Variants in NFATC1 observed in about 807,000 individuals in gnomAD.
NFATC1 encodes the protein nuclear factor of activated T-cells, cytoplasmic 1.
In NFATC1, 22 loss-of-function variants were observed where a neutral mutation model predicts 76.0. The observed-to-expected ratio is 0.29, with a 90% confidence interval of 0.21 to 0.41. The LOEUF (loss-of-function observed/expected upper bound fraction) is 0.41, where lower values mean the gene tolerates loss of function less well. Ranked by LOEUF, NFATC1 falls within the 10% of genes least tolerant of loss-of-function variation. NFATC1 has a pLI of 1.00. For missense variants in NFATC1, 1,357 were observed against 1,337.7 expected (o/e 1.01, Z -0.23); for synonymous variants, 704 against 613.1 (o/e 1.15, Z -2.19).
intron 3 of NFATC1, among the ~76,000 whole-genome samples, chr18:79,437,204 C>A (rs1210306278): frequency 2.0e-5 from 3 of 152,190 alleles, no homozygotes; most frequent in Admixed American, 2.0e-4. Flanking sequence ...TAAGGACAGT[C>A]CCGCCCCCTG....
intron 1 of NFATC1, among the ~76,000 whole-genome samples, chr18:79,406,949 C>G (rs59922507): frequency 6.6e-6 from 1 of 152,070 alleles, no homozygotes. Context: ...GGGCACAGGG[C>G]GACCTGCCTG....
intron 9 of NFATC1, among the ~76,000 whole-genome samples, chr18:79,518,501 C>G (rs539303156): frequency 3.1e-4 from 47 of 152,294 alleles, no homozygotes; most frequent in Non-Finnish European, 5.6e-4. Flanking sequence ...CTGGCACCCC[C>G]CCTCTCGCTC....
intron 6 of NFATC1, among the ~76,000 whole-genome samples, chr18:79,453,827 A>G (rs979465416): frequency 1.3e-5 from 2 of 152,208 alleles, no homozygotes; most frequent in Non-Finnish European, 2.9e-5. Context: ...TACACACACA[A>G]GCACATTCCA....
intron 6 of NFATC1, among the ~76,000 whole-genome samples, chr18:79,458,866 G>A (rs112354751): frequency 0.018 from 2,759 of 152,358 alleles, 96 homozygotes; most frequent in African/African-American, 0.062. Context: ...CAGTCTCGGC[G>A]CTTTGTCTTG....
At chr18:79,425,009 C>T (rs1005230477) in intron 2 of NFATC1, among the ~76,000 whole-genome samples, 1 of 151,138 alleles carries the variant, frequency 6.6e-6, no homozygotes, top group Non-Finnish European at 1.5e-5. Flanking sequence ...CTGTGTCTGT[C>T]TCTCTCTCTG....
At chr18:79,408,344 C>A (rs1255548156) in intron 1 of NFATC1, among the ~76,000 whole-genome samples, 2 of 152,342 alleles carry the variant, frequency 1.3e-5, no homozygotes, top group East Asian at 3.9e-4. Flanking sequence ...GGAATACCCA[C>A]CTCTAGGCAT....
At chr18:79,433,168 A>G (rs2086657883) in intron 2 of NFATC1, among the ~76,000 whole-genome samples, 2 of 152,200 alleles carry the variant, frequency 1.3e-5, no homozygotes, top group Non-Finnish European at 2.9e-5. Context: ...GGGCCCAGTC[A>G]GTCACCTGTC....
chr18:79,463,913 G>A (rs370570977), intron 7 of NFATC1, among the ~76,000 whole-genome samples: 35 of 152,340 alleles, frequency 2.3e-4, no homozygotes, highest in South Asian at 2.1e-3. Context: ...AGGAGGAGCC[G>A]TGAGCCTTTC....
intron 8 of NFATC1, among the ~76,000 whole-genome samples, chr18:79,482,258 T>G (rs548124408): frequency 7.6e-6 from 1 of 131,182 alleles, no homozygotes; most frequent in Non-Finnish European, 1.6e-5. Context: ...CGTGACCTCG[T>G]TCCTGGGGTG....
At chr18:79,494,188 G>A (rs2089791975) in intron 9 of NFATC1, among the ~76,000 whole-genome samples, 1 of 152,264 alleles carries the variant, frequency 6.6e-6, no homozygotes, top group Non-Finnish European at 1.5e-5. Context: ...GAGGGACAGT[G>A]AGAAAGGCGA....
intron 8 of NFATC1, among the ~76,000 whole-genome samples, chr18:79,483,497 TTCCTGGGGTGTCACTCCGGCGTGACCTGG>T (rs1569018112): frequency 1.1e-3 from 116 of 104,992 alleles, no homozygotes; most frequent in African/African-American, 1.5e-3. Context: ...CGTGACCTGG[TTCCTGGGGTGTCACTCCGGCGTGACCTGG>T]TCCTGGGGTG....
intron 6 of NFATC1, among the ~76,000 whole-genome samples, chr18:79,453,494 G>GC (rs1280925832): frequency 6.6e-6 from 1 of 152,250 alleles, no homozygotes; most frequent in Admixed American, 6.5e-5. Context: ...CCTACAGGCA[G>GC]CCCCTCCTGC....
At chr18:79,481,353 C>T (rs1328016257) in intron 8 of NFATC1, among the ~76,000 whole-genome samples, 2 of 152,362 alleles carry the variant, frequency 1.3e-5, no homozygotes, top group Admixed American at 1.3e-4. Flanking sequence ...GCCCCACCCT[C>T]CACGGACACC....
intron 9 of NFATC1, among the ~76,000 whole-genome samples, chr18:79,490,839 C>CCCTGGAA (rs1165986217): frequency 6.6e-6 from 1 of 152,102 alleles, no homozygotes; most frequent in Non-Finnish European, 1.5e-5. Context: ...TGCCCTGGGT[C>CCCTGGAA]CCTGGAACCT....
At chr18:79,401,657 T>C (rs2085261446) in intron 1 of NFATC1, among the ~76,000 whole-genome samples, 1 of 152,122 alleles carries the variant, frequency 6.6e-6, no homozygotes, top group Non-Finnish European at 1.5e-5. Flanking sequence ...CATGCGAGAG[T>C]GTCGCCCCAC....
chr18:79,445,153 A>G (rs1287515732), intron 3 of NFATC1, among the ~76,000 whole-genome samples: 4 of 152,212 alleles, frequency 2.6e-5, no homozygotes, highest in African/African-American at 4.8e-5. Flanking sequence ...TATCTTGAGT[A>G]AAGTCTCCCT....
intron 9 of NFATC1, among the ~76,000 whole-genome samples, chr18:79,489,809 GTT>G (rs935246316): frequency 3.9e-5 from 6 of 152,214 alleles, no homozygotes; most frequent in African/African-American, 9.6e-5. Flanking sequence ...TCTGGTCACA[GTT>G]TATGGGTCCT....
At chr18:79,406,748 G>A (rs983255440) in intron 1 of NFATC1, among the ~76,000 whole-genome samples, 2 of 152,134 alleles carry the variant, frequency 1.3e-5, no homozygotes, top group Non-Finnish European at 2.9e-5. Context: ...CCGCAGGCCT[G>A]CGCTCGACAA....
At chr18:79,433,763 C>T (rs200338517) in intron 3 of NFATC1, 25 bp downstream of exon 3, 29 of 1,600,164 alleles carry the variant, frequency 1.8e-5, no homozygotes, top group South Asian at 7.8e-5. Flanking sequence ...CAGACTCGCA[C>T]GTCACTTGGT....
Sources: gnomAD v4.1 joint callset for allele counts (sites outside exome capture counted in the v4.1 genomes callset) on GRCh38, gnomAD v4.1.1 for gene constraint, MANE v1.5 for transcripts, NCBI Gene and HGNC (gene_info 2026-07-23, HGNC 2026-07-21) for gene names.